The following MYT1L variants were observed in gnomAD, a reference collection of about 807,000 sequenced individuals.
MYT1L encodes myelin transcription factor 1 like, also known as myelin transcription factor 1-like protein.
A neutral mutation model predicts 126.7 loss-of-function variants in MYT1L; 12 were observed. The ratio of observed to expected loss-of-function variants is 0.09; its 90% CI spans 0.06 to 0.15. The LOEUF (loss-of-function observed/expected upper bound fraction) is 0.15, where lower values mean the gene tolerates loss of function less well. MYT1L is among the 10% of genes least tolerant of loss of function. The pLI is 1.00. For missense variants in MYT1L, 979 were observed against 1,585.2 expected (o/e 0.62, Z 6.49); for synonymous variants, 541 against 604.2 (o/e 0.90, Z 1.53).
intron 14 of MYT1L, among the ~76,000 whole-genome samples, chr2:1,896,672 C>T (rs181784998): frequency 1.1e-4 from 17 of 152,220 alleles, no homozygotes; most frequent in Admixed American, 8.5e-4. Context: ...TGGGAACAAT[C>T]GACACTGTGG....
At chr2:2,263,221 C>T (rs2095033586) in intron 2 of MYT1L, among the ~76,000 whole-genome samples, 1 of 151,702 alleles carries the variant, frequency 6.6e-6, no homozygotes, top group Admixed American at 6.6e-5. Context: ...CTTCTTTCAG[C>T]ATTTGTGAAA....
intron 4 of MYT1L, among the ~76,000 whole-genome samples, chr2:2,005,056 ATTCTTTCCTGCATGCG>A (rs1188083234): frequency 3.8e-4 from 32 of 85,122 alleles, no homozygotes; most frequent in East Asian, 4.4e-4. Context: ...TCCTGAATAC[ATTCTTTCCTGCATGCG>A]TTCTTTCCTG....
chr2:2,063,937 A>G (rs570972029), intron 3 of MYT1L, among the ~76,000 whole-genome samples: 1 of 152,316 alleles, frequency 6.6e-6, no homozygotes, highest in East Asian at 1.9e-4. Flanking sequence ...TGTCTACACT[A>G]AAGATGTTAA....
At chr2:1,835,953 G>A (rs541861766) in intron 21 of MYT1L, among the ~76,000 whole-genome samples, 3 of 152,274 alleles carry the variant, frequency 2.0e-5, no homozygotes, top group African/African-American at 7.2e-5. Context: ...TCAAGCTGTG[G>A]CCCTGCAGGC....
At chr2:2,284,217 A>G (rs1371115428) in intron 2 of MYT1L, among the ~76,000 whole-genome samples, 187 bp downstream of exon 2, 2 of 152,204 alleles carry the variant, frequency 1.3e-5, no homozygotes, top group East Asian at 3.9e-4. Flanking sequence ...TAACATGTAT[A>G]TGTAATTGAC....
chr2:2,251,908 AG>A (rs2094662339), intron 2 of MYT1L, among the ~76,000 whole-genome samples: 1 of 151,916 alleles, frequency 6.6e-6, no homozygotes, highest in Non-Finnish European at 1.5e-5. Flanking sequence ...AAGAAAGAAA[AG>A]AAAAAGAAAG....
At chr2:2,181,598 A>C (rs2091536964) in intron 2 of MYT1L, among the ~76,000 whole-genome samples, 1 of 152,188 alleles carries the variant, frequency 6.6e-6, no homozygotes, top group South Asian at 2.1e-4. Flanking sequence ...TGGTAGGGGC[A>C]TGAGTGTACT....
chr2:1,881,001 C>G (rs1243120163), intron 18 of MYT1L, among the ~76,000 whole-genome samples: 2 of 152,204 alleles, frequency 1.3e-5, no homozygotes, highest in Non-Finnish European at 2.9e-5. Context: ...AAAAGCTGAA[C>G]ACTAAAGGTT....
intron 18 of MYT1L, among the ~76,000 whole-genome samples, chr2:1,865,797 C>T (rs1464144517): frequency 3.3e-5 from 5 of 152,086 alleles, no homozygotes; most frequent in Admixed American, 1.3e-4. Flanking sequence ...GTGGGTTAGA[C>T]GACCCCATGA....
At chr2:1,939,936 T>C (rs1367650006) in intron 9 of MYT1L, among the ~76,000 whole-genome samples, 1 of 152,242 alleles carries the variant, frequency 6.6e-6, no homozygotes, top group East Asian at 1.9e-4. Context: ...GATTATGTCT[T>C]AGGAGAAATG....
chr2:1,828,846 T>C (rs1321794901), intron 21 of MYT1L, among the ~76,000 whole-genome samples: 1 of 152,192 alleles, frequency 6.6e-6, no homozygotes, highest in Non-Finnish European at 1.5e-5. Flanking sequence ...TAAGAGGGCC[T>C]AGGGAAGGAC....
chr2:1,922,196 T>A lies in MYT1L; in HGVS notation c.1483+90A>T. On this transcript the variant is annotated intron_variant, in intron 10 of 24. Transcript: ENST00000647738. This position sits in a 1 kb window ranked among gnomAD's most constrained non-coding sequence, Gnocchi z 7.4. ...TGTGCAGTAGAGACATAATTCAGTGTGAGTCACACTTTAACTGTAGACTAC... is the reference window on the plus strand; with the variant it reads ...TGTGCAGTAGAGACATAATTCAGTGAGAGTCACACTTTAACTGTAGACTAC... 1.3e-6 allele frequency: 2 copies of A among 1,488,070 alleles called. No individual in the cohort carries two copies. Among genetic ancestry groups the A allele is most frequent in the Non-Finnish European group, 1.8e-6 (2 of 1,103,014 alleles). The allele number at this position is 1,488,070 out of a possible 1,614,324, so 92.2% of individuals were successfully genotyped here. A position where few individuals can be genotyped will look rare whatever the true frequency, so the allele number is the denominator to read the frequency against.
intron 9 of MYT1L, among the ~76,000 whole-genome samples, chr2:1,940,913 C>T (rs2056575420): frequency 6.6e-6 from 1 of 152,218 alleles, no homozygotes; most frequent in Non-Finnish European, 1.5e-5. Context: ...GGTCCTGAGG[C>T]ACGATCAGCC....
At chr2:2,040,551 T>C (rs999115728) in intron 4 of MYT1L, among the ~76,000 whole-genome samples, 2 of 152,216 alleles carry the variant, frequency 1.3e-5, no homozygotes, top group African/African-American at 4.8e-5. Context: ...AAATTACTTT[T>C]CAGGCAGGAA....
intron 3 of MYT1L, among the ~76,000 whole-genome samples, chr2:2,129,731 C>T (rs2082128276): frequency 6.6e-6 from 1 of 151,966 alleles, no homozygotes; most frequent in African/African-American, 2.4e-5. Context: ...ACGGTGAAAC[C>T]CCATCTCTAC....
chr2:2,159,857 T>C (rs923526263), intron 3 of MYT1L, among the ~76,000 whole-genome samples: 1 of 151,992 alleles, frequency 6.6e-6, no homozygotes, highest in Non-Finnish European at 1.5e-5. Flanking sequence ...TTTGCTACTT[T>C]TTCTTCTTTC....
chr2:1,886,651 G>A (rs374846980), intron 17 of MYT1L, 44 bp from the exon 18 acceptor site: 30 of 1,336,946 alleles, frequency 2.2e-5, no homozygotes, highest in South Asian at 9.6e-5. Context: ...ACTGCGAAGC[G>A]CGTAACTCCC....
Position 1,892,213 on chromosome 2 carries a change from G to A in MYT1L, c.2107C>T (p.Leu703=). 1 of 1,549,938 alleles carries A rather than the reference G, an allele frequency of 6.5e-7. No homozygotes were observed. Among genetic ancestry groups the A allele is most frequent in the African/African-American group, 1.4e-5 (1 of 73,132 alleles). Residue 703 remains leucine, a synonymous_variant, in exon 15 of 25, where the codon CTG becomes TTG. Transcript: ENST00000647738. ...GCGCTGCTGCCCCCGCCGCAGCTCA[G>A]GTTGCTGCTGCTGCTGGGCGCGTAG... ...SSYAPSSSSN[L]SCGGGSSASS...
chr2:1,922,318 T>C lies in MYT1L; in HGVS notation c.1451A>G (p.Asp484Gly). The change falls in exon 10 of 25, where the codon GAC (aspartate) becomes GGC (glycine). Residue 484 changes from aspartate to glycine, a missense_variant. By Grantham distance (94) the Asp-to-Gly change is moderately conservative. Transcript: ENST00000647738. This position sits in a 1 kb window ranked among gnomAD's most constrained non-coding sequence, Gnocchi z 7.4. ...PGEDRKPKSSDSHVKKPYYGK... is the reference protein window; with the variant it reads ...PGEDRKPKSSGSHVKKPYYGK... Reference sequence around the variant, plus strand: ...ATAGTATGGCTTTTTGACATGGCTGTCACTGGATTTAGGCTTTCTGTCCTC... The same window carrying C: ...ATAGTATGGCTTTTTGACATGGCTGCCACTGGATTTAGGCTTTCTGTCCTC... 1.2e-6 allele frequency: 2 copies of C among 1,613,926 alleles called. No individual in the cohort carries two copies. Among genetic ancestry groups the C allele is most frequent in the African/African-American group, 1.3e-5 (1 of 75,044 alleles).
Sources: allele counts gnomAD v4.1 joint callset (sites outside exome capture counted in the v4.1 genomes callset), GRCh38; gene constraint gnomAD v4.1.1; non-coding constraint Gnocchi (gnomAD v3.1); transcripts MANE v1.5; gene names NCBI Gene and HGNC (gene_info 2026-07-23, HGNC 2026-07-21).